The following EPG5 variants were observed in gnomAD, a reference collection of about 807,000 sequenced individuals.
The protein encoded by EPG5 is ectopic P-granules 5 autophagy tethering factor.
Under a neutral mutation model 302.7 loss-of-function variants are expected in EPG5, and 159 were observed. The ratio of observed to expected loss-of-function variants is 0.53; its 90% CI spans 0.46 to 0.60. The LOEUF is 0.60. EPG5 is among the 20% of genes least tolerant of loss of function. EPG5 has a pLI of 0.00. For synonymous variants in EPG5, 1,158 were observed against 1,136.8 expected (o/e 1.02, Z -0.37); for missense variants, 2,896 against 3,092.4 (o/e 0.94, Z 1.51).
chr18:45,919,648 G>A (rs1343439548), intron 16 of EPG5, among the ~76,000 whole-genome samples: 1 of 151,970 alleles, frequency 6.6e-6, no homozygotes, highest in South Asian at 2.1e-4. Flanking sequence ...GAGTAGCTGG[G>A]ACTACAGGCG....
intron 24 of EPG5, among the ~76,000 whole-genome samples, chr18:45,906,930 AC>A (rs1244320995): frequency 6.6e-6 from 1 of 152,236 alleles, no homozygotes; most frequent in Non-Finnish European, 1.5e-5. Context: ...TGTTGGGATT[AC>A]AGGCGTGGGC....
At chr18:45,859,600 CAG>C (rs1160580446) in intron 40 of EPG5, among the ~76,000 whole-genome samples, 1 of 152,138 alleles carries the variant, frequency 6.6e-6, no homozygotes, top group Non-Finnish European at 1.5e-5. Context: ...GAAAGTAAAA[CAG>C]ATTTTTAAAA....
chr18:45,880,890 T>C (rs1205764324), intron 31 of EPG5, among the ~76,000 whole-genome samples: 1 of 152,210 alleles, frequency 6.6e-6, no homozygotes, highest in African/African-American at 2.4e-5. Flanking sequence ...TTACAATATG[T>C]CCAGTGTGAG....
chr18:45,963,382 A>G (rs1950838647), intron 1 of EPG5, among the ~76,000 whole-genome samples: 1 of 152,236 alleles, frequency 6.6e-6, no homozygotes, highest in Non-Finnish European at 1.5e-5. Context: ...GTTAAGAATC[A>G]AAAGAGAACT....
the EPG5 span, among the ~76,000 whole-genome samples, chr18:45,809,121 A>G: frequency 1.3e-5 from 2 of 152,258 alleles, no homozygotes; most frequent in Non-Finnish European, 2.9e-5. Flanking sequence ...AGCAGTTTAA[A>G]AAGACAGAAG....
At chr18:45,865,541 T>C in intron 39 of EPG5, 74 bp downstream of exon 39, 1 of 1,497,802 alleles carries the variant, frequency 6.7e-7, no homozygotes, top group Non-Finnish European at 9.2e-7. Flanking sequence ...AACATCCTCC[T>C]GATCTCACAG....
rs199608589 is a variant in EPG5 at position 45,917,643 on chromosome 18, T to C, written c.3239+36A>G. 1.2e-5 allele frequency: 19 copies of C among 1,611,724 alleles called. No individual in the cohort carries two copies. In the East Asian group the frequency reaches 4.0e-4, roughly 34 times the overall value. The stretch of plus-strand genomic sequence containing the variant: ...AATCATTTGTACTTGCTGGACTGTT[T>C]AAGAGTGTCTCCTGCCATAGATGGA... On this transcript the variant is annotated intron_variant, in intron 17 of 43. Transcript: ENST00000282041.
Position 45,955,251 on chromosome 18 carries a change from G to C in EPG5, c.151C>G (p.Leu51Val), listed in dbSNP as rs188069373. The C allele has an allele frequency of 1.8e-4, 296 of 1,614,212 alleles. 4 individuals are homozygous for C. In the Admixed American group the frequency reaches 4.8e-3, roughly 26 times the overall value. ...TGGTCTCCTTTGAATTCACAGGCTAGAGAAGGGATTTCCTGCTCTCTGGAG... is the reference window on the plus strand; with the variant it reads ...TGGTCTCCTTTGAATTCACAGGCTACAGAAGGGATTTCCTGCTCTCTGGAG... ...KTSREQEIPS[L>V]ACEFKGDHLK... Residue 51 changes from leucine to valine, a missense_variant, in exon 2 of 44, where the codon CTA becomes GTA. By Grantham distance (32) the Leu-to-Val change is conservative (BLOSUM62 1). This residue lies in a region of EPG5 where 1,390 missense variants were observed against 1,430.0 expected (regional missense o/e 0.97). Coordinates refer to ENST00000282041, the MANE Select transcript of EPG5 (RefSeq NM_020964.3).
At chr18:45,810,517 G>A in the EPG5 span, among the ~76,000 whole-genome samples, 15 of 152,098 alleles carry the variant, frequency 9.9e-5, no homozygotes, top group Admixed American at 1.3e-4. Flanking sequence ...TAATCCGGCC[G>A]GGCTCAGTAG....
At chr18:45,911,279 G>C (rs1302645535) in intron 22 of EPG5, among the ~76,000 whole-genome samples, 1 of 147,620 alleles carries the variant, frequency 6.8e-6, no homozygotes, top group South Asian at 2.1e-4. Flanking sequence ...ATGCGCCACT[G>C]CGCTGGGTTG....
chr18:45,941,898 A>G (rs1461680629), intron 9 of EPG5, among the ~76,000 whole-genome samples: 1 of 152,038 alleles, frequency 6.6e-6, no homozygotes, highest in Non-Finnish European at 1.5e-5. Context: ...CATTCTCCTA[A>G]CTCTATACTC....
intron 19 of EPG5, 133 bp downstream of exon 19, chr18:45,915,876 T>C: frequency 3.5e-6 from 3 of 864,624 alleles, no homozygotes; most frequent in Non-Finnish European, 5.3e-6. Flanking sequence ...CGGGATAAGG[T>C]ACCATTAAGG....
At chr18:45,947,194 C>A (rs2050801751) in intron 6 of EPG5, among the ~76,000 whole-genome samples, 1 of 152,200 alleles carries the variant, frequency 6.6e-6, no homozygotes, top group East Asian at 1.9e-4. Flanking sequence ...GGGGGTGGAT[C>A]ATGAGGTCAA....
intron 25 of EPG5, 142 bp downstream of exon 25, chr18:45,903,831 G>T: frequency 1.2e-6 from 1 of 805,076 alleles, no homozygotes; most frequent in Non-Finnish European, 1.9e-6. Flanking sequence ...ACACCATTGT[G>T]TAAGTCAACT....
In EPG5 at chr18:45,860,244, C is replaced by A. The variant is rs1261218556; in HGVS notation, c.6869G>T (p.Gly2290Val). The part of the protein sequence containing the change: ...ATIPTAEFLR[G>V]SIRTWIGQKM... ...TTGGCCAATCCAGGTCCGGATACTG[C>A]CCCGAAGGAACTCTGCTGTTGGAAT... is the stretch of plus-strand genomic sequence containing the variant. Residue 2290 changes from glycine (G) to valine (V), a missense_variant, in exon 40 of 44, where the codon GGC (glycine) becomes GTC (valine). Physicochemically the swap from Gly to Val is moderately radical, Grantham distance 109. This residue lies in a region of EPG5 where 620 missense variants were observed against 704.2 expected (regional missense o/e 0.88). Transcript: ENST00000282041. The A allele has an allele frequency of 6.2e-7, 1 of 1,614,244 alleles. No homozygotes were observed.
At chr18:45,948,474 T>C (rs1306201642) in intron 6 of EPG5, 29 bp downstream of exon 6, 1 of 1,573,892 alleles carries the variant, frequency 6.4e-7, no homozygotes, top group East Asian at 2.2e-5. Flanking sequence ...CATTTCAATC[T>C]CTACTTCACA....
chr18:45,857,871 T>C lies in EPG5; in HGVS notation c.7424A>G (p.Lys2475Arg), dbSNP rs1216016584. The stretch of plus-strand genomic sequence containing the variant: ...TCCTTACCTGTTAGACAAAGGCGAC[T>C]TCCGGCCAAACCCAATTGCCCCCAG... ...GILGAIGFGR[K>R]SPLSNRFRVV... The change falls in exon 42 of 44, where the codon AAG becomes AGG. Residue 2475 changes from lysine to arginine, a missense_variant. Transcript: ENST00000282041. 6.2e-7 allele frequency: 1 copy of C among 1,612,254 alleles called. No homozygotes were observed. Among genetic ancestry groups the C allele is most frequent in the Admixed American group, 1.7e-5 (1 of 60,022 alleles).
intron 2 of EPG5, 53 bp from the exon 3 acceptor site, chr18:45,952,696 A>T (rs1002666527): frequency 6.3e-7 from 1 of 1,592,682 alleles, no homozygotes; most frequent in Non-Finnish European, 8.6e-7. Context: ...TTCCATTTGA[A>T]GTAAGCAGGC....
chr18:45,872,346 G>A (rs947537771), intron 35 of EPG5, among the ~76,000 whole-genome samples: 11 of 152,190 alleles, frequency 7.2e-5, no homozygotes, highest in African/African-American at 2.4e-4. Context: ...TGCAGTCAAA[G>A]AAGAGAGAGC....
Sources: gnomAD v4.1 joint callset for allele counts (sites outside exome capture counted in the v4.1 genomes callset) on GRCh38, gnomAD v4.1.1 for gene constraint, gnomAD v4.1.1 regional missense constraint, MANE v1.5 for transcripts, NCBI Gene and HGNC (gene_info 2026-07-23, HGNC 2026-07-21) for gene names.